Variants in ARSB observed in about 807,000 individuals in gnomAD.
ARSB encodes the protein N-acetylgalactosamine-4-sulfatase.
Under a neutral mutation model 50.9 loss-of-function variants are expected in ARSB, and 41 were observed. That is an observed-to-expected ratio of 0.81 (90% confidence interval 0.63 to 1.04). The LOEUF (loss-of-function observed/expected upper bound fraction) is 1.04. Among genes scored for constraint, ARSB ranks in the 50% least tolerant of loss-of-function variants. The pLI, the probability that ARSB is intolerant of heterozygous loss-of-function variation, is 0.00. For synonymous variants in ARSB, 269 were observed against 284.8 expected (o/e 0.94, Z 0.56); for missense variants, 672 against 693.3 (o/e 0.97, Z 0.35).
At chr5:78,919,443 T>C (rs1185461090) in intron 4 of ARSB, among the ~76,000 whole-genome samples, 2 of 152,198 alleles carry the variant, frequency 1.3e-5, no homozygotes, top group East Asian at 1.9e-4. Flanking sequence ...CAGCCCTGCA[T>C]TGAGGAACCA....
In ARSB at chr5:78,780,602, T is replaced by C. The variant is rs745885140; in HGVS notation, c.1397A>G (p.Asp466Gly). 1.9e-6 allele frequency: 3 copies of C among 1,613,960 alleles called. No individual in the cohort carries two copies. In the East Asian group the frequency reaches 6.7e-5, roughly 36 times the overall value. ...GAGCCAGAGGGTCTTGGTTGGTGGG[T>C]CTGATGAGGGTATCTCAGAAACATT... is the stretch of plus-strand genomic sequence containing the variant. ...QYNVSEIPSSDPPTKTLWLFD... is the reference protein window; with the variant it reads ...QYNVSEIPSSGPPTKTLWLFD... The change falls in exon 8 of 8, where the codon GAC becomes GGC. Residue 466 changes from aspartate to glycine, a missense_variant. Asp to Gly is a moderately conservative substitution (Grantham distance 94). Coordinates refer to ENST00000264914, the MANE Select transcript of ARSB (RefSeq NM_000046.5).
At chr5:78,795,217 T>G (rs1743134350) in intron 6 of ARSB, among the ~76,000 whole-genome samples, 1 of 152,190 alleles carries the variant, frequency 6.6e-6, no homozygotes, top group Non-Finnish European at 1.5e-5. Flanking sequence ...CCAAACAAAC[T>G]CTATGCAGCT....
intron 4 of ARSB, among the ~76,000 whole-genome samples, chr5:78,939,588 C>T (rs978470880): frequency 2.0e-5 from 3 of 152,100 alleles, no homozygotes; most frequent in Admixed American, 6.6e-5. Context: ...CAGCTTCATC[C>T]GTGTCCCTAT....
At chr5:78,982,307 A>C (rs1015146718) in intron 1 of ARSB, among the ~76,000 whole-genome samples, 6 of 152,262 alleles carry the variant, frequency 3.9e-5, no homozygotes, top group Non-Finnish European at 8.8e-5. Context: ...AAAATTATGC[A>C]TAACAAATGA....
intron 4 of ARSB, among the ~76,000 whole-genome samples, chr5:78,933,662 T>C (rs1750446304): frequency 6.6e-6 from 1 of 152,098 alleles, no homozygotes; most frequent in Admixed American, 6.6e-5. Flanking sequence ...TAGTAGAGGA[T>C]GGGAGGTGAT....
At chr5:78,807,863 G>A in intron 6 of ARSB, among the ~76,000 whole-genome samples, 1 of 152,034 alleles carries the variant, frequency 6.6e-6, no homozygotes. Context: ...GGAGGCCGAG[G>A]CGGGCGGATC....
intron 1 of ARSB, among the ~76,000 whole-genome samples, chr5:78,972,122 C>T (rs1752476887): frequency 6.6e-6 from 1 of 152,144 alleles, no homozygotes; most frequent in African/African-American, 2.4e-5. Context: ...TGGGCTTAGC[C>T]AATGGGGAGC....
intron 5 of ARSB, among the ~76,000 whole-genome samples, chr5:78,875,736 C>T (rs57187692): frequency 0.021 from 3,165 of 151,892 alleles, 112 homozygotes; most frequent in African/African-American, 0.071. Context: ...GGCGCAATCT[C>T]GGCTCACTGC....
At chr5:78,909,871 CT>C (rs1749228030) in intron 4 of ARSB, among the ~76,000 whole-genome samples, 1 of 152,232 alleles carries the variant, frequency 6.6e-6, no homozygotes, top group Admixed American at 6.5e-5. Flanking sequence ...CTGCCTGCCC[CT>C]GGGAACTGAA....
chr5:78,939,328 C>T lies in ARSB; in HGVS notation c.898+15967G>A, dbSNP rs140338718. ...TAAGTTCTAGGGTACATGTGCATAACGTGCAGGTTTGTTACATATGTATAC... is the reference window on the plus strand; with the variant it reads ...TAAGTTCTAGGGTACATGTGCATAATGTGCAGGTTTGTTACATATGTATAC... On this transcript the variant is annotated intron_variant, in intron 4 of 7. Transcript: ENST00000264914. Among the ~76,000 whole-genome samples, 93 of 151,364 alleles carry T rather than the reference C, an allele frequency of 6.1e-4. 1 individual carries two copies. Among genetic ancestry groups the T allele is most frequent in the African/African-American group, 2.1e-3 (87 of 41,192 alleles).
At chr5:78,841,233 G>C (rs1264726995) in intron 5 of ARSB, among the ~76,000 whole-genome samples, 1 of 151,554 alleles carries the variant, frequency 6.6e-6, no homozygotes, top group African/African-American at 2.4e-5. Context: ...AGGAGGCTGA[G>C]GCAAGAGGAT....
chr5:78,839,218 G>A (rs1745080722), intron 6 of ARSB, 138 bp downstream of exon 6: 2 of 782,542 alleles, frequency 2.6e-6, no homozygotes, highest in Non-Finnish European at 4.4e-6. Flanking sequence ...AGATGAGCGG[G>A]AGATATGTCC....
chr5:78,805,566 GAGA>G (rs1018516237), intron 6 of ARSB, among the ~76,000 whole-genome samples: 3 of 152,186 alleles, frequency 2.0e-5, no homozygotes, highest in African/African-American at 4.8e-5. Flanking sequence ...AACCATTTCT[GAGA>G]AAGCAAGGCT....
At chr5:78,826,210 C>T (rs185137013) in intron 6 of ARSB, among the ~76,000 whole-genome samples, 5 of 152,218 alleles carry the variant, frequency 3.3e-5, no homozygotes, top group Admixed American at 1.3e-4. Context: ...CCATGCCTGA[C>T]TACTTTTTGT....
At chr5:78,937,325 T>TATATATGTAAGATATATATATC (rs1483754423) in intron 4 of ARSB, among the ~76,000 whole-genome samples, 217 of 57,964 alleles carry the variant, frequency 3.7e-3, no homozygotes, top group East Asian at 0.015. Context: ...ATATGTAAGA[T>TATATATGTAAGATATATATATC]ATATATATGT....
At position 78,841,168 on chromosome 5, in the gene ARSB, C is replaced by CTAATAATAATAATAATAATAA. The variant is rs1554074343; in HGVS notation, c.1143-1743_1143-1742insTTATTATTATTATTATTATTA. On this transcript the variant is annotated intron_variant, in intron 5 of 7. Transcript: ENST00000264914. Reference sequence around the variant, plus strand: ...ACTACTACTACTACTACTACTACTACTAATAATAATAATAATTTGAGCATG... The same window carrying CTAATAATAATAATAATAATAA: ...ACTACTACTACTACTACTACTACTACTAATAATAATAATAATAATAATAATAATAATAATAATTTGAGCATG... 7.7e-3 allele frequency among the ~76,000 whole-genome samples: 1,016 copies of CTAATAATAATAATAATAATAA among 131,970 alleles called. 7 individuals carry two copies. Among genetic ancestry groups the CTAATAATAATAATAATAATAA allele is most frequent in the Middle Eastern group, 0.027 (7 of 262 alleles). The allele number at this position is 131,970 out of a possible 152,430, so 86.6% of individuals were successfully genotyped here. A position where few individuals can be genotyped will look rare whatever the true frequency, so the allele number is the denominator to read the frequency against.
chr5:78,808,203 G>A (rs1248756141), intron 6 of ARSB, among the ~76,000 whole-genome samples: 4 of 149,170 alleles, frequency 2.7e-5, no homozygotes, highest in Non-Finnish European at 5.9e-5. Context: ...TCATCAACTT[G>A]TGGCCAATTT....
chr5:78,924,740 T>C (rs1304205224), intron 4 of ARSB, among the ~76,000 whole-genome samples: 3 of 152,218 alleles, frequency 2.0e-5, no homozygotes, highest in Non-Finnish European at 2.9e-5. Context: ...GAGCAATATA[T>C]GCCCAAAGCT....
At chr5:78,900,778 G>A (rs1401032380) in intron 4 of ARSB, among the ~76,000 whole-genome samples, 1 of 152,098 alleles carries the variant, frequency 6.6e-6, no homozygotes, top group Non-Finnish European at 1.5e-5. Context: ...AGTAGCTCAC[G>A]CCTGTAATCC....
Sources: gnomAD v4.1 joint callset for allele counts (sites outside exome capture counted in the v4.1 genomes callset) on GRCh38, gnomAD v4.1.1 for gene constraint, MANE v1.5 for transcripts, NCBI Gene and HGNC (gene_info 2026-07-23, HGNC 2026-07-21) for gene names.